The following FER1L6 variants were observed in gnomAD, a reference collection of about 807,000 sequenced individuals.
FER1L6 encodes the protein fer-1 like family member 6.
In FER1L6, 177 loss-of-function variants were observed where a neutral mutation model predicts 219.2. The ratio of observed to expected loss-of-function variants is 0.81; its 90% CI spans 0.71 to 0.91. The LOEUF (loss-of-function observed/expected upper bound fraction) is 0.91. Among genes scored for constraint, FER1L6 ranks in the 40% least tolerant of loss-of-function variants. The pLI is 0.00. For missense variants in FER1L6, 2,153 were observed against 2,259.9 expected, an observed-to-expected ratio of 0.95 and a Z score of 0.96; for synonymous variants, 768 against 824.3, an observed-to-expected ratio of 0.93 and a Z score of 1.17.
In FER1L6 at chr8:123,912,998, T is replaced by C. The variant is rs1414152962; in HGVS notation, c.-7-42994T>C. Among the ~76,000 whole-genome samples, 4 of 152,312 alleles carry C rather than the reference T, an allele frequency of 2.6e-5. No individual in the cohort carries two copies. The East Asian group carries it at 5.8e-4, about 22-fold the overall frequency. On this transcript the variant is annotated intron_variant, in intron 1 of 40. Transcript: ENST00000522917. ...CTTCACCAGGTGAATGTGGTAACTG[T>C]CATAACTGAGGATGACATCTTGGCT...
chr8:123,926,320 C>T (rs567038342), intron 1 of FER1L6, among the ~76,000 whole-genome samples: 2 of 152,294 alleles, frequency 1.3e-5, no homozygotes, highest in South Asian at 4.1e-4. Flanking sequence ...CGGTGGCTTA[C>T]TTTCCTCTGG....
chr8:123,977,657 T>G, intron 10 of FER1L6, 48 bp downstream of exon 10: 1 of 1,571,886 alleles, frequency 6.4e-7, no homozygotes, highest in Non-Finnish European at 8.7e-7. Context: ...AATGCTTGCT[T>G]TAGAGCCCTC....
intron 3 of FER1L6, among the ~76,000 whole-genome samples, chr8:123,963,661 C>T (rs540003725): frequency 5.4e-4 from 83 of 152,302 alleles, no homozygotes; most frequent in African/African-American, 1.9e-3. Context: ...GTGCTCATGT[C>T]GCTCACAGTT....
chr8:123,920,061 G>A (rs568229309), intron 1 of FER1L6, among the ~76,000 whole-genome samples: 1 of 152,310 alleles, frequency 6.6e-6, no homozygotes, highest in Middle Eastern at 3.4e-3. Context: ...ATTGCAAGGT[G>A]GTGACTGCAG....
intron 31 of FER1L6, 121 bp downstream of exon 31, chr8:124,071,752 C>CAT (rs1821084082): frequency 7.9e-7 from 1 of 1,268,400 alleles, no homozygotes; most frequent in African/African-American, 1.5e-5. Flanking sequence ...TTTTGAATGC[C>CAT]ATAAGTCTAT....
At chr8:124,097,382 T>C in intron 36 of FER1L6, 23 bp downstream of exon 36, 3 of 1,534,684 alleles carry the variant, frequency 2.0e-6, no homozygotes, top group Non-Finnish European at 2.7e-6. Context: ...TAGCCCCAGC[T>C]TCAGGGGAAG....
chr8:124,049,081 C>G (rs1819871982), intron 21 of FER1L6, among the ~76,000 whole-genome samples: 1 of 151,780 alleles, frequency 6.6e-6, no homozygotes, highest in African/African-American at 2.4e-5. Context: ...AGACATCTCT[C>G]TCTGTCACCA....
chr8:123,853,931 G>C lies in FER1L6; in HGVS notation c.-8+1746G>C, dbSNP rs1318779388. 6.6e-6 allele frequency among the ~76,000 whole-genome samples: 1 copy of C among 152,222 alleles called. No individual in the cohort carries two copies. The highest frequency in any genetic ancestry group is 1.5e-5 in the Non-Finnish European group (1 of 68,044). The stretch of plus-strand genomic sequence containing the variant: ...GCAGCAGAAGGTGCACCTCTGAGGA[G>C]CAAAGGATGCAGGGCTTCTGTGGGC... On this transcript the variant is annotated intron_variant, in intron 1 of 40. Transcript: ENST00000522917. The surrounding 1 kb of genome is among the most constrained non-coding windows in gnomAD (Gnocchi z 6.6).
At chr8:123,949,944 G>T (rs1446558365) in intron 1 of FER1L6, among the ~76,000 whole-genome samples, 1 of 152,192 alleles carries the variant, frequency 6.6e-6, no homozygotes, top group Non-Finnish European at 1.5e-5. Context: ...CATTTATGCT[G>T]GGACAAAGGG....
Position 124,060,286 on chromosome 8 carries a change from TGGAGGTACGGGTCAGC to T in FER1L6, c.2985+2_2985+17del. The T allele has an allele frequency of 6.2e-7, 1 of 1,613,796 alleles. No individual in the cohort carries two copies. The highest frequency in any genetic ancestry group is 8.5e-7 in the Non-Finnish European group (1 of 1,179,870). ...CGGCCGGTGCTGAGCAAATACCGAG[TGGAGGTACGGGTCAGC>T]GGAGGAGCTGAGTTGTTCTTTGGCA... On this transcript the variant is annotated splice_donor_variant and splice_donor_5th_base_variant and coding_sequence_variant and intron_variant, in exon 23 of 41. Transcript: ENST00000522917. LOFTEE classifies it high-confidence loss of function.
At position 123,918,001 on chromosome 8, in the gene FER1L6, G is replaced by A. The variant is rs542314742; in HGVS notation, c.-7-37991G>A. On this transcript the variant is annotated intron_variant, in intron 1 of 40. Transcript: ENST00000522917. ...AGTTTGTGCTTAGGTCTTGTGAAGT[G>A]GGCATCTTTTCAATTCAACAAATAC... Among the ~76,000 whole-genome samples, 36 of 152,232 alleles carry A rather than the reference G, an allele frequency of 2.4e-4. 1 individual carries two copies. The South Asian group carries it at 7.3e-3, about 31-fold the overall frequency.
At chr8:124,067,647 A>G in intron 27 of FER1L6, 120 bp from the exon 28 acceptor site, 1 of 893,366 alleles carries the variant, frequency 1.1e-6, no homozygotes, top group Non-Finnish European at 1.8e-6. Flanking sequence ...CTGCTTACAG[A>G]CTGTTTGAAT....
chr8:123,930,344 C>T (rs1263251135), intron 1 of FER1L6, among the ~76,000 whole-genome samples: 1 of 131,252 alleles, frequency 7.6e-6, no homozygotes, highest in Non-Finnish European at 1.7e-5. Flanking sequence ...TCCTCCCTCC[C>T]TGACATTTTT....
rs117954004 is a variant in FER1L6 at position 124,044,419 on chromosome 8, C to G, written c.2590-1348C>G. ...GTGAAAATGCACAATATTTTTATGA[C>G]CCACATAAAGAAGAGCAATAAAAAT... On this transcript the variant is annotated intron_variant, in intron 20 of 40. Transcript: ENST00000522917. Among the ~76,000 whole-genome samples, 865 of 152,222 alleles carry G rather than the reference C, an allele frequency of 5.7e-3. 3 individuals are homozygous for G. The highest frequency in any genetic ancestry group is 8.8e-3 in the Admixed American group (135 of 15,296).
chr8:123,968,310 A>G (rs1815651287), intron 5 of FER1L6, among the ~76,000 whole-genome samples: 1 of 152,240 alleles, frequency 6.6e-6, no homozygotes, highest in Non-Finnish European at 1.5e-5. Context: ...TAACCGGTAG[A>G]AAAATCACAT....
intron 33 of FER1L6, among the ~76,000 whole-genome samples, chr8:124,083,205 AT>A (rs1450267665): frequency 2.6e-5 from 4 of 152,138 alleles, no homozygotes; most frequent in Non-Finnish European, 5.9e-5. Flanking sequence ...TAAATTATTG[AT>A]TATAGTTGCC....
intron 1 of FER1L6, among the ~76,000 whole-genome samples, chr8:123,933,487 G>A (rs1813862528): frequency 6.6e-6 from 1 of 152,180 alleles, no homozygotes; most frequent in Non-Finnish European, 1.5e-5. Flanking sequence ...ATAACTCAGT[G>A]TCTGGCACGT....
chr8:123,993,077 T>TA (rs148640730), intron 12 of FER1L6, among the ~76,000 whole-genome samples: 8,205 of 152,284 alleles, frequency 0.054, 536 homozygotes, highest in African/African-American at 0.16. Context: ...TTTCAATTTT[T>TA]AAAAGTTTGA....
At chr8:124,069,544 C>T (rs1383560353) in intron 29 of FER1L6, 69 bp downstream of exon 29, 6 of 1,112,214 alleles carry the variant, frequency 5.4e-6, no homozygotes, top group East Asian at 2.5e-5. Flanking sequence ...TCTGTCAGTG[C>T]TTTGGTCAAC....
Sources: allele counts gnomAD v4.1 joint callset (sites outside exome capture counted in the v4.1 genomes callset), GRCh38; gene constraint gnomAD v4.1.1; non-coding constraint Gnocchi (gnomAD v3.1); transcripts MANE v1.5; gene names NCBI Gene and HGNC (gene_info 2026-07-23, HGNC 2026-07-21).